RPS6KA2: variants seen among roughly 807,000 people sequenced by gnomAD.
RPS6KA2 encodes ribosomal protein S6 kinase A2, also known as ribosomal protein S6 kinase alpha-2.
In RPS6KA2, 42 loss-of-function variants were observed where a neutral mutation model predicts 91.8. The ratio of observed to expected loss-of-function variants is 0.46; its 90% confidence interval spans 0.36 to 0.59. RPS6KA2 has a LOEUF of 0.59. Ranked by LOEUF, RPS6KA2 falls within the 20% of genes least tolerant of loss-of-function variation. The pLI, the probability that RPS6KA2 is intolerant of heterozygous loss-of-function variation, is 0.00. For missense variants in RPS6KA2, 798 were observed against 978.5 expected, an observed-to-expected ratio of 0.82 and a Z score of 2.46; for synonymous variants, 414 against 393.6, an observed-to-expected ratio of 1.05 and a Z score of -0.61.
Position 166,665,757 on chromosome 6 carries a change from C to T in RPS6KA2, c.124-126973G>A, listed in dbSNP as rs1003660743. 2.0e-5 allele frequency among the ~76,000 whole-genome samples: 3 copies of T among 152,250 alleles called. No homozygotes were observed. The highest frequency in any genetic ancestry group is 2.1e-4 in the South Asian group (1 of 4,822). On this transcript the variant is annotated intron_variant, in intron 2 of 21. Coordinates refer to the RPS6KA2 transcript ENST00000503859. The surrounding 1 kb of genome is among the most constrained non-coding windows in gnomAD (Gnocchi z 4.5). The stretch of plus-strand genomic sequence containing the variant: ...CACTTGCAGAGCTTGTTCTGAACCT[C>T]GTTTTGGGGAGAAACTTGGTTGTTC...
At chr6:166,473,941 T>C (rs944783134) in intron 10 of RPS6KA2, among the ~76,000 whole-genome samples, 1 of 79,500 alleles carries the variant, frequency 1.3e-5, no homozygotes, top group African/African-American at 1.5e-4. Context: ...TGTTTAAAGG[T>C]TTTTTTTTTT....
chr6:166,466,743 CTCAT>C (rs1183256899), intron 11 of RPS6KA2, among the ~76,000 whole-genome samples: 1 of 152,232 alleles, frequency 6.6e-6, no homozygotes, highest in Admixed American at 6.5e-5. Context: ...GACTTACTGA[CTCAT>C]TCACTCACTT....
intron 1 of RPS6KA2, among the ~76,000 whole-genome samples, chr6:166,614,207 A>T (rs1284557093): frequency 6.6e-6 from 1 of 152,182 alleles, no homozygotes; most frequent in African/African-American, 2.4e-5. Context: ...TATGTTTGAG[A>T]TCAGTACATT....
chr6:166,573,054 C>T (rs1222103859), intron 1 of RPS6KA2, among the ~76,000 whole-genome samples: 1 of 152,208 alleles, frequency 6.6e-6, no homozygotes, highest in Non-Finnish European at 1.5e-5. Context: ...CCTGGGGTTC[C>T]CGGGGTGCCC....
At chr6:166,564,147 G>A (rs1165277556) in intron 1 of RPS6KA2, among the ~76,000 whole-genome samples, 1 of 152,188 alleles carries the variant, frequency 6.6e-6, no homozygotes, top group Non-Finnish European at 1.5e-5. Context: ...CCGGGAAAAT[G>A]CAAAATCCAT....
At chr6:166,862,368 A>AG in exon 1 of RPS6KA2, 1 of 1,417,804 alleles carries the variant, frequency 7.1e-7, no homozygotes. Flanking sequence ...CGGCCGGAGG[A>AG]GGGACCCGGG....
Position 166,583,676 on chromosome 6 carries a change from T to G in RPS6KA2, c.99+43245A>C, listed in dbSNP as rs577488603. 3.3e-5 allele frequency among the ~76,000 whole-genome samples: 5 copies of G among 152,298 alleles called. No individual in the cohort carries two copies. In the East Asian group the frequency reaches 9.6e-4, roughly 29 times the overall value. ...TCCTGAGTGCTTATTAAAGCGCCAATGGCCAAAAGAGACAAGACTCACAAG... is the reference window on the plus strand; with the variant it reads ...TCCTGAGTGCTTATTAAAGCGCCAAGGGCCAAAAGAGACAAGACTCACAAG... On this transcript the variant is annotated intron_variant, in intron 1 of 20. Coordinates refer to ENST00000265678, the MANE Select transcript of RPS6KA2 (RefSeq NM_021135.6).
chr6:166,771,768 T>G (rs1241998545), intron 2 of RPS6KA2, among the ~76,000 whole-genome samples: 2 of 152,170 alleles, frequency 1.3e-5, no homozygotes, highest in Admixed American at 1.3e-4. Context: ...AATCACCATC[T>G]AAATGAAATG....
In RPS6KA2 at chr6:166,430,620, T is replaced by C. The variant is rs1217021661; in HGVS notation, c.1423-9A>G. ...TTGCCATCATCATAGACCTGCGGAG[T>C]GGAGAAGGGGCGCACACGTCACCAC... On this transcript the variant is annotated splice_polypyrimidine_tract_variant and intron_variant, in intron 15 of 20. Transcript: ENST00000265678. 1.9e-6 allele frequency: 3 copies of C among 1,607,342 alleles called. No homozygotes were observed. Among genetic ancestry groups the C allele is most frequent in the Middle Eastern group, 1.7e-4 (1 of 6,034 alleles).
intron 2 of RPS6KA2, among the ~76,000 whole-genome samples, chr6:166,794,629 GA>G (rs1249080526): frequency 1.2e-3 from 180 of 150,384 alleles, no homozygotes; most frequent in African/African-American, 4.2e-3. Flanking sequence ...CGATAGACTG[GA>G]TTAAGAAAAT....
rs1430717895 is a variant in RPS6KA2 at position 166,418,901 on chromosome 6, G to A, written c.1821-559C>T. On this transcript the variant is annotated intron_variant, in intron 18 of 20. Transcript: ENST00000265678. This position sits in a 1 kb window ranked among gnomAD's most constrained non-coding sequence, Gnocchi z 4.9. ...CACACTCCTAGGAAAGGAAGGACAC[G>A]TGTGCTGCCAGCGCTTCCTCTAGTG... is the stretch of plus-strand genomic sequence containing the variant. 6.6e-6 allele frequency among the ~76,000 whole-genome samples: 1 copy of A among 152,262 alleles called. No individual in the cohort carries two copies. The highest frequency in any genetic ancestry group is 1.5e-5 in the Non-Finnish European group (1 of 68,048).
intron 1 of RPS6KA2, among the ~76,000 whole-genome samples, chr6:166,604,341 G>A (rs1785861082): frequency 6.6e-6 from 1 of 152,008 alleles, no homozygotes; most frequent in African/African-American, 2.4e-5. Context: ...TCCCCAAATA[G>A]GTTTGCTTAT....
chr6:166,418,092 G>GAAAA lies in RPS6KA2; in HGVS notation c.1938+129_1938+132dup. 1 of 573,252 alleles carries GAAAA rather than the reference G, an allele frequency of 1.7e-6. No homozygotes were observed. Among genetic ancestry groups the GAAAA allele is most frequent in the East Asian group, 3.2e-5 (1 of 31,108 alleles). The allele number at this position is 573,252 out of a possible 1,614,324, so 35.5% of individuals were successfully genotyped here. A position where few individuals can be genotyped will look rare whatever the true frequency, so the allele number is the denominator to read the frequency against. Reference sequence around the variant, plus strand: ...GAGACAGAGCGAGACTCCATTTCAAGAAAAAAAAAAAAATATGCTGAGGAT... The same window carrying GAAAA: ...GAGACAGAGCGAGACTCCATTTCAAGAAAAAAAAAAAAAAAAATATGCTGAGGAT... On this transcript the variant is annotated intron_variant, in intron 19 of 20. Transcript: ENST00000265678. The surrounding 1 kb of genome is among the most constrained non-coding windows in gnomAD (Gnocchi z 4.9).
chr6:166,811,745 T>C (rs1457717808), intron 2 of RPS6KA2, among the ~76,000 whole-genome samples: 1 of 152,254 alleles, frequency 6.6e-6, no homozygotes, highest in Non-Finnish European at 1.5e-5. Context: ...TTTGCAAATC[T>C]GAGTGCAGTC....
At chr6:166,581,744 G>A (rs4710070) in intron 1 of RPS6KA2, among the ~76,000 whole-genome samples, 36,582 of 137,970 alleles carry the variant, frequency 0.27, 6,023 homozygotes, top group East Asian at 0.48. Context: ...GGGAACACCC[G>A]CTGGGCAGGA....
rs935667491 is a variant in RPS6KA2 at position 166,493,247 on chromosome 6, C to T, written c.748-2506G>A. ...GCTGACGGTGGGGATGATGCTGGGG[C>T]GGAGGTGTGGACTTTGCAGCCTCCA... On this transcript the variant is annotated intron_variant, in intron 8 of 20. Transcript: ENST00000265678. This position sits in a 1 kb window ranked among gnomAD's most constrained non-coding sequence, Gnocchi z 4.7. Among the ~76,000 whole-genome samples the T allele has an allele frequency of 4.6e-5, 7 of 152,028 alleles. No individual in the cohort carries two copies. The highest frequency in any genetic ancestry group is 7.4e-5 in the Non-Finnish European group (5 of 67,998).
intron 2 of RPS6KA2, among the ~76,000 whole-genome samples, chr6:166,643,245 T>A (rs1483896267): frequency 6.6e-6 from 1 of 152,072 alleles, no homozygotes; most frequent in Non-Finnish European, 1.5e-5. Flanking sequence ...AATCAAAATA[T>A]GTAAAAAAAT....
chr6:166,751,170 C>A (rs1231822882), intron 2 of RPS6KA2, among the ~76,000 whole-genome samples: 2 of 152,182 alleles, frequency 1.3e-5, no homozygotes, highest in African/African-American at 4.8e-5. Flanking sequence ...CCCAAGTCAG[C>A]CGGAAGTTTT....
chr6:166,563,645 G>A lies in RPS6KA2; in HGVS notation c.100-24861C>T, dbSNP rs1444823582. On this transcript the variant is annotated intron_variant, in intron 1 of 20. Transcript: ENST00000265678. This position sits in a 1 kb window ranked among gnomAD's most constrained non-coding sequence, Gnocchi z 4.1. The stretch of plus-strand genomic sequence containing the variant: ...GAGCCAAGACCTCCCACCCCAGGCA[G>A]ATCTTGTGGGCAAGGTATCTGCTTA... Among the ~76,000 whole-genome samples, 1 of 150,952 alleles carries A rather than the reference G, an allele frequency of 6.6e-6. No homozygotes were observed. Among genetic ancestry groups the A allele is most frequent in the East Asian group, 2.0e-4 (1 of 5,018 alleles).
Sources: gnomAD v4.1 joint callset for allele counts (sites outside exome capture counted in the v4.1 genomes callset) on GRCh38, gnomAD v4.1.1 for gene constraint, Gnocchi (gnomAD v3.1) non-coding constraint, MANE v1.5 for transcripts, NCBI Gene and HGNC (gene_info 2026-07-23, HGNC 2026-07-21) for gene names.